The following OR1J1 variants were observed in gnomAD, a reference collection of about 807,000 sequenced individuals.
OR1J1 encodes olfactory receptor family 1 subfamily J member 1, also known as olfactory receptor 1J1.
For synonymous variants in OR1J1, 165 were observed against 157.2 expected, an observed-to-expected ratio of 1.05 and a Z score of -0.37; for missense variants, 392 against 393.9, an observed-to-expected ratio of 1.00 and a Z score of 0.04.
rs1004864466 is a variant in OR1J1, at chr9:122,477,569, A to G, written c.358T>C (p.Tyr120His). Reference sequence around the variant, plus strand: ...TGACAGATGGCCACATACCTGTCATATGCCATTGAAGTGATAAGGAAACTG... The same window carrying G: ...TGACAGATGGCCACATACCTGTCATGTGCCATTGAAGTGATAAGGAAACTG... ...LDSFLITSMA[Y>H]DRYVAICHPL... The change falls in exon 1 of 1, where the codon TAT becomes CAT. Residue 120 changes from tyrosine to histidine, a missense_variant. Tyr to His is a moderately conservative substitution (Grantham distance 83). Transcript: ENST00000259357. 1 of 1,614,062 alleles carries G rather than the reference A, an allele frequency of 6.2e-7. No homozygotes were observed. The highest frequency in any genetic ancestry group is 1.3e-5 in the African/African-American group (1 of 75,052).
In OR1J1 at chr9:122,477,387, G is replaced by T; in HGVS notation, c.540C>A (p.Asp180Glu). 6.2e-7 allele frequency: 1 copy of T among 1,614,122 alleles called. No homozygotes were observed. Among genetic ancestry groups the T allele is most frequent in the Non-Finnish European group, 8.5e-7 (1 of 1,180,010 alleles). The part of the protein sequence containing the change: ...ADHIIPHYFC[D>E]LGALLKLSCS... ...AGGACAACTTGAGCAGGGCACCAAG[G>T]TCACAGAAGTAGTGAGGGATGATGT... Residue 180 changes from aspartate (D) to glutamate (E), a missense_variant, in exon 1 of 1, where the codon GAC becomes GAA. By Grantham distance (45) the Asp-to-Glu change is conservative. Transcript: ENST00000259357.
At position 122,477,265 on chromosome 9, in the gene OR1J1, A is replaced by G. The variant is rs75911175; in HGVS notation, c.662T>C (p.Ile221Thr). ...GGGAATCTGGAGGATGGTGACCCCA[A>G]TGTGACCATAAGAAACCAGGATGCA... ...FLCILVSYGHIGVTILQIPST... is the reference protein window; with the variant it reads ...FLCILVSYGHTGVTILQIPST... Residue 221 changes from isoleucine (I) to threonine (T), a missense_variant, in exon 1 of 1, where the codon ATT becomes ACT. By Grantham distance (89) the Ile-to-Thr change is moderately conservative. Coordinates refer to ENST00000259357, the MANE Select transcript of OR1J1 (RefSeq NM_001004451.1). 0.024 allele frequency: 39,019 copies of G among 1,614,054 alleles called. 670 individuals are homozygous for G. The highest frequency in any genetic ancestry group is 0.096 in the Middle Eastern group (579 of 6,062).
Position 122,477,738 on chromosome 9 carries a change from A to G in OR1J1, c.189T>C (p.Leu63=), listed in dbSNP as rs73558876. The G allele has an allele frequency of 0.016, 25,895 of 1,614,100 alleles. 363 individuals carry two copies. The highest frequency in any genetic ancestry group is 0.072 in the East Asian group (3,218 of 44,874). The change falls in exon 1 of 1, where the codon CTT becomes CTC. Residue 63 remains leucine (L), a synonymous_variant. Coordinates refer to ENST00000259357, the MANE Select transcript of OR1J1 (RefSeq NM_001004451.1). ...SHLHTPMYFF[L]SHLALTDISF... is the part of the protein sequence containing the mutation. Reference sequence around the variant, plus strand: ...AGATGTCAGTGAGGGCCAAGTGGCTAAGGAAGAAGTACATGGGGGTGTGAA... The same window carrying G: ...AGATGTCAGTGAGGGCCAAGTGGCTGAGGAAGAAGTACATGGGGGTGTGAA...
In OR1J1 at chr9:122,477,379, GC is replaced by G; in HGVS notation, c.547del (p.Ala183ProfsTer15). Reference sequence around the variant, plus strand: ...GTCTGAGCAGGACAACTTGAGCAGGGCACCAAGGTCACAGAAGTAGTGAGGG... The same window carrying G: ...GTCTGAGCAGGACAACTTGAGCAGGGACCAAGGTCACAGAAGTAGTGAGGG... ...IIPHYFCDLG[A>X]LLKLSCSDTS... On this transcript the variant is annotated frameshift_variant, in exon 1 of 1. Coordinates refer to ENST00000259357, the MANE Select transcript of OR1J1 (RefSeq NM_001004451.1). LOFTEE classifies it low-confidence loss of function (END_TRUNC). 1 of 1,614,050 alleles carries G rather than the reference GC, an allele frequency of 6.2e-7. No homozygotes were observed. The highest frequency in any genetic ancestry group is 8.5e-7 in the Non-Finnish European group (1 of 1,179,952).
At position 122,477,129 on chromosome 9, in the gene OR1J1, G is replaced by A; in HGVS notation, c.798C>T (p.Asn266=). The A allele has an allele frequency of 6.2e-7, 1 of 1,614,012 alleles. No homozygotes were observed. Among genetic ancestry groups the A allele is most frequent in the Non-Finnish European group, 8.5e-7 (1 of 1,179,888 alleles). The part of the protein sequence containing the change: ...IGLYFLPPSS[N]TNDKNIIASV... Reference sequence around the variant, plus strand: ...AAGCAATTATGTTCTTGTCATTGGTGTTGCTGGATGGGGGAAGAAAATAGA... The same window carrying A: ...AAGCAATTATGTTCTTGTCATTGGTATTGCTGGATGGGGGAAGAAAATAGA... The change falls in exon 1 of 1, where the codon AAC becomes AAT. Residue 266 remains asparagine (N), a synonymous_variant. Transcript: ENST00000259357.
Position 122,477,837 on chromosome 9 carries a change from C to G in OR1J1, c.90G>C (p.Leu30=), listed in dbSNP as rs372984651. ...CCGTGGTCAGGTACATGCCCAGGAA[C>G]AGGGCGAAGAACACGGCCTGCTGCT... ...RPEQQAVFFA[L]FLGMYLTTVL... is the part of the protein sequence containing the mutation. The change falls in exon 1 of 1, where the codon CTG becomes CTC. Residue 30 remains leucine (L), a synonymous_variant. Transcript: ENST00000259357. 1.1e-5 allele frequency: 18 copies of G among 1,614,016 alleles called. No individual in the cohort carries two copies. Among genetic ancestry groups the G allele is most frequent in the East Asian group, 8.9e-5 (4 of 44,844 alleles).
In OR1J1 at chr9:122,477,756, G is replaced by A. The variant is rs141379780; in HGVS notation, c.171C>T (p.Thr57=). Residue 57 remains threonine (T), a synonymous_variant, in exon 1 of 1, where the codon ACC becomes ACT. Coordinates refer to ENST00000259357, the MANE Select transcript of OR1J1 (RefSeq NM_001004451.1). ...AGTGGCTAAGGAAGAAGTACATGGG[G>A]GTGTGAAGGTGAGAGTCTAGCTGGA... The part of the protein sequence containing the change: ...LLIQLDSHLH[T]PMYFFLSHLA... 743 of 1,614,108 alleles carry A rather than the reference G, an allele frequency of 4.6e-4. No individual in the cohort carries two copies. Among genetic ancestry groups the A allele is most frequent in the Non-Finnish European group, 5.8e-4 (684 of 1,180,042 alleles).
At position 122,477,822 on chromosome 9, in the gene OR1J1, G is replaced by A. The variant is rs1564173909; in HGVS notation, c.105C>T (p.Tyr35=). Residue 35 remains tyrosine (Y), a synonymous_variant, in exon 1 of 1, where the codon TAC becomes TAT. Transcript: ENST00000259357. ...GCAGGTTCCCCAGCACCGTGGTCAGGTACATGCCCAGGAACAGGGCGAAGA... is the reference window on the plus strand; with the variant it reads ...GCAGGTTCCCCAGCACCGTGGTCAGATACATGCCCAGGAACAGGGCGAAGA... The part of the protein sequence containing the change: ...AVFFALFLGM[Y]LTTVLGNLLI... 6.2e-6 allele frequency: 10 copies of A among 1,614,020 alleles called. No individual in the cohort carries two copies. The highest frequency in any genetic ancestry group is 8.5e-6 in the Non-Finnish European group (10 of 1,180,032).
chr9:122,477,224 A>G lies in OR1J1; in HGVS notation c.703T>C (p.Cys235Arg), dbSNP rs769438689. The G allele has an allele frequency of 6.2e-7, 1 of 1,614,136 alleles. No individual in the cohort carries two copies. The highest frequency in any genetic ancestry group is 8.5e-7 in the Non-Finnish European group (1 of 1,179,952). ...GATCCACAAGTGGACAAGGCTTTGC[A>G]TATGCCCTTGGTAGAGGGAATCTGG... ...ILQIPSTKGI[C>R]KALSTCGSHL... is the part of the protein sequence containing the mutation. Residue 235 changes from cysteine (C) to arginine (R), a missense_variant, in exon 1 of 1, where the codon TGC (cysteine) becomes CGC (arginine). Cys to Arg is a radical substitution (Grantham distance 180). Transcript: ENST00000259357.
rs1269273679 is a variant in OR1J1 at position 122,477,663 on chromosome 9, C to A, written c.264G>T (p.Gln88His). The change falls in exon 1 of 1, where the codon CAG (glutamine) becomes CAT (histidine). Residue 88 changes from glutamine (Q) to histidine (H), a missense_variant. Coordinates refer to ENST00000259357, the MANE Select transcript of OR1J1 (RefSeq NM_001004451.1). ...VPKMLMNMQTQHLAVFYKGCI... is the reference protein window; with the variant it reads ...VPKMLMNMQTHHLAVFYKGCI... The stretch of plus-strand genomic sequence containing the variant: ...ATCCCTTGTAAAAGACGGCTAGGTG[C>A]TGAGTCTGCATGTTCATCAGCATCT... 6.2e-7 allele frequency: 1 copy of A among 1,614,208 alleles called. No individual in the cohort carries two copies. The highest frequency in any genetic ancestry group is 8.5e-7 in the Non-Finnish European group (1 of 1,180,036).
At position 122,477,921 on chromosome 9, in the gene OR1J1, G is replaced by A. The variant is rs777428975; in HGVS notation, c.6C>T (p.Ser2=). M[S]PENQSSVSEF... ...CGGACACGCTGCTCTGGTTCTCAGG[G>A]CTCATGTTTATATCAGCTGGAGGGC... Residue 2 remains serine (S), a synonymous_variant, in exon 1 of 1, where the codon AGC becomes AGT. Coordinates refer to ENST00000259357, the MANE Select transcript of OR1J1 (RefSeq NM_001004451.1). The A allele has an allele frequency of 1.5e-5, 24 of 1,589,260 alleles. No individual in the cohort carries two copies. The highest frequency in any genetic ancestry group is 1.7e-4 in the Middle Eastern group (1 of 5,942).
Position 122,477,552 on chromosome 9 carries a change from G to A in OR1J1, c.375C>T (p.Ala125=). The change falls in exon 1 of 1, where the codon GCC becomes GCT. Residue 125 remains alanine (A), a synonymous_variant. Transcript: ENST00000259357. ...ITSMAYDRYV[A]ICHPLHYATI... is the part of the protein sequence containing the mutation. ...TGGCATAATGTAGAGGATGACAGAT[G>A]GCCACATACCTGTCATATGCCATTG... 1 of 1,613,904 alleles carries A rather than the reference G, an allele frequency of 6.2e-7. No homozygotes were observed. Among genetic ancestry groups the A allele is most frequent in the South Asian group, 1.1e-5 (1 of 91,076 alleles).
chr9:122,477,734 G>A lies in OR1J1; in HGVS notation c.193C>T (p.His65Tyr), dbSNP rs1404407126. 6.2e-7 allele frequency: 1 copy of A among 1,614,162 alleles called. No individual in the cohort carries two copies. Among genetic ancestry groups the A allele is most frequent in the South Asian group, 1.1e-5 (1 of 91,080 alleles). Residue 65 changes from histidine to tyrosine, a missense_variant, in exon 1 of 1, where the codon CAC becomes TAC. Coordinates refer to ENST00000259357, the MANE Select transcript of OR1J1 (RefSeq NM_001004451.1). The stretch of plus-strand genomic sequence containing the variant: ...AAGGAGATGTCAGTGAGGGCCAAGT[G>A]GCTAAGGAAGAAGTACATGGGGGTG... ...LHTPMYFFLS[H>Y]LALTDISFSS...
In OR1J1 at chr9:122,477,653, C is replaced by A. The variant is rs373376555; in HGVS notation, c.274G>T (p.Val92Phe). The A allele has an allele frequency of 1.9e-6, 3 of 1,614,040 alleles. No individual in the cohort carries two copies. The African/African-American group carries it at 4.0e-5, about 22-fold the overall frequency. Residue 92 changes from valine to phenylalanine, a missense_variant, in exon 1 of 1, where the codon GTC (valine) becomes TTC (phenylalanine). Val to Phe is a conservative substitution (Grantham distance 50). Transcript: ENST00000259357. ...LMNMQTQHLA[V>F]FYKGCISQTY... The stretch of plus-strand genomic sequence containing the variant: ...TGTGAAATGCATCCCTTGTAAAAGA[C>A]GGCTAGGTGCTGAGTCTGCATGTTC...
At position 122,476,962 on chromosome 9, in the gene OR1J1, C is replaced by G. The variant is rs773823702; in HGVS notation, c.965G>C (p.Gly322Ala). ...ATCTCAGGTGATCCGTCTGCCTCAG[C>G]CTCCCAAAGTGTTGAGATTACAGGC... ...AHACNLNTLG[G>A] The change falls in exon 1 of 1, where the codon GGC (glycine) becomes GCC (alanine). Residue 322 changes from glycine to alanine, a missense_variant. Gly to Ala is a moderately conservative substitution (Grantham distance 60). Coordinates refer to ENST00000259357, the MANE Select transcript of OR1J1 (RefSeq NM_001004451.1). 7.6e-7 allele frequency: 1 copy of G among 1,314,284 alleles called. No individual in the cohort carries two copies. Among genetic ancestry groups the G allele is most frequent in the Non-Finnish European group, 1.1e-6 (1 of 912,760 alleles). The allele number at this position is 1,314,284 out of a possible 1,614,324, so 81.4% of individuals were successfully genotyped here. A position where few individuals can be genotyped will look rare whatever the true frequency, so the allele number is the denominator to read the frequency against.
Position 122,477,841 on chromosome 9 carries a change from G to A in OR1J1, c.86C>T (p.Ala29Val). Residue 29 changes from alanine to valine, a missense_variant, in exon 1 of 1, where the codon GCC becomes GTC. Physicochemically the swap from Ala to Val is moderately conservative, Grantham distance 64. Coordinates refer to ENST00000259357, the MANE Select transcript of OR1J1 (RefSeq NM_001004451.1). ...GGTCAGGTACATGCCCAGGAACAGG[G>A]CGAAGAACACGGCCTGCTGCTCTGG... is the stretch of plus-strand genomic sequence containing the variant. ...IRPEQQAVFF[A>V]LFLGMYLTTV... The A allele has an allele frequency of 1.9e-6, 3 of 1,614,070 alleles. No homozygotes were observed. The highest frequency in any genetic ancestry group is 2.5e-6 in the Non-Finnish European group (3 of 1,180,022).
Position 122,477,920 on chromosome 9 carries a change from G to T in OR1J1, c.7C>A (p.Pro3Thr). 6.3e-7 allele frequency: 1 copy of T among 1,591,676 alleles called. No homozygotes were observed. Among genetic ancestry groups the T allele is most frequent in the Non-Finnish European group, 8.6e-7 (1 of 1,168,046 alleles). Residue 3 changes from proline to threonine, a missense_variant, in exon 1 of 1, where the codon CCT (proline) becomes ACT (threonine). Physicochemically the swap from Pro to Thr is conservative, Grantham distance 38. Transcript: ENST00000259357. Reference protein sequence around the residue: MSPENQSSVSEFL... With the variant: MSTENQSSVSEFL... ...TCGGACACGCTGCTCTGGTTCTCAG[G>T]GCTCATGTTTATATCAGCTGGAGGG... is the stretch of plus-strand genomic sequence containing the variant.
At position 122,477,354 on chromosome 9, in the gene OR1J1, G is replaced by T. The variant is rs535572958; in HGVS notation, c.573C>A (p.Asp191Glu). 23 of 1,613,942 alleles carry T rather than the reference G, an allele frequency of 1.4e-5. No individual in the cohort carries two copies. The South Asian group carries it at 2.2e-4, about 15-fold the overall frequency. The change falls in exon 1 of 1, where the codon GAC becomes GAA. Residue 191 changes from aspartate to glutamate, a missense_variant. Coordinates refer to ENST00000259357, the MANE Select transcript of OR1J1 (RefSeq NM_001004451.1). ...AGATTGCTAACTGATTGAGGGAGGT[G>T]TCTGAGCAGGACAACTTGAGCAGGG... ...LGALLKLSCS[D>E]TSLNQLAIFT... is the part of the protein sequence containing the mutation.
At position 122,477,851 on chromosome 9, in the gene OR1J1, C is replaced by T. The variant is rs578060737; in HGVS notation, c.76G>A (p.Val26Met). 79 of 1,613,898 alleles carry T rather than the reference C, an allele frequency of 4.9e-5. No homozygotes were observed. Among genetic ancestry groups the T allele is most frequent in the South Asian group, 4.4e-4 (40 of 91,056 alleles). Residue 26 changes from valine (V) to methionine (M), a missense_variant, in exon 1 of 1, where the codon GTG (valine) becomes ATG (methionine). Physicochemically the swap from Val to Met is conservative, Grantham distance 21 (BLOSUM62 1). Transcript: ENST00000259357. ...ATGCCCAGGAACAGGGCGAAGAACA[C>T]GGCCTGCTGCTCTGGCCGGATGGGG... ...GLPIRPEQQAVFFALFLGMYL... is the reference protein window; with the variant it reads ...GLPIRPEQQAMFFALFLGMYL...
Sources: allele counts gnomAD v4.1 joint callset, GRCh38; gene constraint gnomAD v4.1.1; transcripts MANE v1.5; gene names NCBI Gene and HGNC (gene_info 2026-07-23, HGNC 2026-07-21).